The following GPHN variants were observed in gnomAD, a reference collection of about 807,000 sequenced individuals.
GPHN encodes the protein gephyrin.
GPHN carries 17 observed loss-of-function variants against 95.5 expected under a neutral mutation model. The ratio of observed to expected loss-of-function variants is 0.18; its 90% confidence interval spans 0.12 to 0.27. The LOEUF is 0.27. GPHN is among the 10% of genes least tolerant of loss of function. GPHN has a pLI of 1.00. For missense variants in GPHN, 660 were observed against 978.1 expected, an observed-to-expected ratio of 0.67 and a Z score of 4.34; for synonymous variants, 320 against 322.5, an observed-to-expected ratio of 0.99 and a Z score of 0.08.
intron 1 of GPHN, among the ~76,000 whole-genome samples, chr14:66,561,778 T>A (rs1277613682): frequency 6.6e-6 from 1 of 152,128 alleles, no homozygotes; most frequent in Non-Finnish European, 1.5e-5. Context: ...GCAATAAAAA[T>A]TTGTTATTAT....
the GPHN span, chr14:67,343,418 A>T: frequency 1.2e-6 from 2 of 1,609,646 alleles, no homozygotes; most frequent in Non-Finnish European, 1.7e-6. Flanking sequence ...TAATAGCTTC[A>T]TCCAAAGTAA....
intron 9 of GPHN, among the ~76,000 whole-genome samples, chr14:66,967,983 T>A (rs2069467673): frequency 6.6e-6 from 1 of 152,004 alleles, no homozygotes; most frequent in Non-Finnish European, 1.5e-5. Context: ...TAAAACTTCA[T>A]TAGTATGTGA....
At chr14:66,745,854 A>G (rs7148224) in intron 2 of GPHN, among the ~76,000 whole-genome samples, 49,621 of 151,722 alleles carry the variant, frequency 0.33, 11,907 homozygotes, top group African/African-American at 0.65. Flanking sequence ...GATCTTTCTT[A>G]ATAGTCACAT....
At chr14:66,777,087 A>C (rs1192722046) in intron 3 of GPHN, among the ~76,000 whole-genome samples, 1 of 151,942 alleles carries the variant, frequency 6.6e-6, no homozygotes, top group Admixed American at 6.6e-5. Context: ...GACTAATAAA[A>C]AAAAAAAAAG....
intron 1 of GPHN, among the ~76,000 whole-genome samples, chr14:66,540,586 G>T (rs2059319591): frequency 6.6e-6 from 1 of 152,092 alleles, no homozygotes; most frequent in Non-Finnish European, 1.5e-5. Flanking sequence ...CCTTCTTATT[G>T]TGCTAACTTG....
intron 16 of GPHN, among the ~76,000 whole-genome samples, chr14:67,116,757 A>G (rs2078719199): frequency 6.6e-6 from 1 of 152,230 alleles, no homozygotes; most frequent in African/African-American, 2.4e-5. Flanking sequence ...TTATTTTCTA[A>G]TACAATTTGT....
At chr14:67,417,926 G>A in the GPHN span, among the ~76,000 whole-genome samples, 707 of 151,596 alleles carry the variant, frequency 4.7e-3, 6 homozygotes, top group Middle Eastern at 0.035. Context: ...TAATGTTTTT[G>A]TAGAGACAGA....
chr14:66,981,973 A>T (rs1246597624), intron 9 of GPHN, among the ~76,000 whole-genome samples: 1 of 152,192 alleles, frequency 6.6e-6, no homozygotes, highest in Non-Finnish European at 1.5e-5. Flanking sequence ...AACATTTTCT[A>T]AAACATTTTC....
In GPHN at chr14:67,058,665, T is replaced by C; in HGVS notation, c.1023T>C (p.Asp341=). ...NILRASHSAV[D]ITKVARRHRM... is the part of the protein sequence containing the mutation. ...ACTGTTTAGGTCACAGTGCTGTCGA[T>C]ATCACCAAGGTGGCTAGAAGACATC... Residue 341 remains aspartate (D), a synonymous_variant, in exon 11 of 23, where the codon GAT becomes GAC. Transcript: ENST00000478722. 5.6e-6 allele frequency: 9 copies of C among 1,613,410 alleles called. No individual in the cohort carries two copies. The highest frequency in any genetic ancestry group is 7.6e-6 in the Non-Finnish European group (9 of 1,179,272).
chr14:67,581,002 G>A, the GPHN span: 1 of 1,613,426 alleles, frequency 6.2e-7, no homozygotes, highest in African/African-American at 1.3e-5. Flanking sequence ...AAGTCTGAGG[G>A]TGGGACACGC....
the GPHN span, among the ~76,000 whole-genome samples, chr14:67,210,409 G>A: frequency 6.6e-6 from 1 of 151,800 alleles, no homozygotes; most frequent in African/African-American, 2.4e-5. Flanking sequence ...AACATAGGGA[G>A]ACCCTGTCTC....
the GPHN span, among the ~76,000 whole-genome samples, chr14:67,558,884 A>G: frequency 6.6e-6 from 1 of 152,246 alleles, no homozygotes; most frequent in Admixed American, 6.5e-5. Flanking sequence ...GCAGCCACAG[A>G]TAATACGTAA....
At chr14:67,402,992 T>G in the GPHN span, among the ~76,000 whole-genome samples, 2 of 152,232 alleles carry the variant, frequency 1.3e-5, no homozygotes, top group Non-Finnish European at 2.9e-5. Flanking sequence ...TTGAGGAGCC[T>G]CTAAATTGTT....
intron 2 of GPHN, among the ~76,000 whole-genome samples, chr14:66,685,935 G>T (rs1366307745): frequency 6.6e-6 from 1 of 152,172 alleles, no homozygotes; most frequent in East Asian, 1.9e-4. Flanking sequence ...AAGGTGTAAG[G>T]AACGGATCCA....
At chr14:66,847,008 G>A (rs1470828401) in intron 4 of GPHN, among the ~76,000 whole-genome samples, 1 of 152,012 alleles carries the variant, frequency 6.6e-6, no homozygotes, top group Non-Finnish European at 1.5e-5. Flanking sequence ...GATTATTTCT[G>A]AACTATAAAT....
intron 17 of GPHN, among the ~76,000 whole-genome samples, chr14:67,140,780 C>A (rs765459495): frequency 6.6e-6 from 1 of 152,180 alleles, no homozygotes; most frequent in Non-Finnish European, 1.5e-5. Flanking sequence ...CTCTGGGCAT[C>A]AGGAACCCAT....
chr14:67,662,550 T>TA, the GPHN span: 1 of 1,602,574 alleles, frequency 6.2e-7, no homozygotes, highest in Non-Finnish European at 8.5e-7. Flanking sequence ...AAAAGATAGA[T>TA]AAGTTTCAAA....
At chr14:66,765,048 A>G (rs191919881) in intron 2 of GPHN, among the ~76,000 whole-genome samples, 61 of 152,362 alleles carry the variant, frequency 4.0e-4, no homozygotes, top group Admixed American at 4.0e-3. Flanking sequence ...TGTCAGAACC[A>G]CTGTTAATCT....
chr14:66,912,040 G>T (rs973972450), intron 5 of GPHN, among the ~76,000 whole-genome samples: 3 of 151,968 alleles, frequency 2.0e-5, no homozygotes, highest in African/African-American at 7.2e-5. Context: ...TGAAAATACA[G>T]ATATTAGTAT....
Sources: gnomAD v4.1 joint callset for allele counts (sites outside exome capture counted in the v4.1 genomes callset) on GRCh38, gnomAD v4.1.1 for gene constraint, MANE v1.5 for transcripts, NCBI Gene and HGNC (gene_info 2026-07-23, HGNC 2026-07-21) for gene names.